PPM1L: variants seen among roughly 807,000 people sequenced by gnomAD.
The protein encoded by PPM1L is protein phosphatase 1L.
In PPM1L, 13 loss-of-function variants were observed where a neutral mutation model predicts 31.4. That is an observed-to-expected ratio of 0.41 (90% CI 0.27 to 0.66). The LOEUF (loss-of-function observed/expected upper bound fraction) is 0.66. Ranked by LOEUF, PPM1L falls within the 30% of genes least tolerant of loss-of-function variation. The pLI is 0.29. For synonymous variants in PPM1L, 184 were observed against 175.4 expected (o/e 1.05, Z -0.39); for missense variants, 326 against 453.7 (o/e 0.72, Z 2.56).
chr3:160,957,628 A>T (rs1167218713), intron 1 of PPM1L, among the ~76,000 whole-genome samples: 1 of 138,880 alleles, frequency 7.2e-6, no homozygotes, highest in Admixed American at 7.8e-5. Context: ...CCCAGGCTGG[A>T]GTGCAGTGGT....
chr3:160,936,100 TG>T (rs780906998), intron 1 of PPM1L, among the ~76,000 whole-genome samples: 1 of 152,140 alleles, frequency 6.6e-6, no homozygotes, highest in African/African-American at 2.4e-5. Context: ...AAGGGTTATG[TG>T]GGGGAACTTG....
intron 1 of PPM1L, among the ~76,000 whole-genome samples, chr3:160,892,239 T>C (rs555596177): frequency 6.6e-6 from 1 of 152,324 alleles, no homozygotes; most frequent in African/African-American, 2.4e-5. Context: ...TGGCATCTGC[T>C]TGGCTTCTGG....
At chr3:161,039,226 G>A (rs921581967) in intron 2 of PPM1L, among the ~76,000 whole-genome samples, 2 of 152,048 alleles carry the variant, frequency 1.3e-5, no homozygotes, top group African/African-American at 2.4e-5. Flanking sequence ...CTGTGGACTC[G>A]CCCTGAATTC....
intron 2 of PPM1L, among the ~76,000 whole-genome samples, chr3:160,962,515 A>T (rs913724668): frequency 4.0e-5 from 6 of 150,356 alleles, no homozygotes; most frequent in African/African-American, 1.5e-4. Flanking sequence ...ACTTGGAATT[A>T]TGAAAATCTT....
chr3:160,892,391 A>C lies in PPM1L; in HGVS notation c.400-69345A>C, dbSNP rs1461006211. On this transcript the variant is annotated intron_variant, in intron 1 of 3. Coordinates refer to ENST00000498165, the MANE Select transcript of PPM1L (RefSeq NM_139245.4). ...TCATGAGGTCTCACTCACTATGGCAAGGACAGAACTAAGACATGAGGAATC... is the reference window on the plus strand; with the variant it reads ...TCATGAGGTCTCACTCACTATGGCACGGACAGAACTAAGACATGAGGAATC... Among the ~76,000 whole-genome samples, 3 of 152,122 alleles carry C rather than the reference A, an allele frequency of 2.0e-5. No homozygotes were observed. In the East Asian group the frequency reaches 5.8e-4, roughly 29 times the overall value.
At chr3:160,936,132 C>T (rs1238853019) in intron 1 of PPM1L, among the ~76,000 whole-genome samples, 1 of 151,946 alleles carries the variant, frequency 6.6e-6, no homozygotes, top group Non-Finnish European at 1.5e-5. Context: ...TTTTTTTCCC[C>T]AGGCTGGAGT....
At chr3:161,055,194 TC>T (rs1280068142) in intron 2 of PPM1L, among the ~76,000 whole-genome samples, 1 of 152,152 alleles carries the variant, frequency 6.6e-6, no homozygotes, top group Admixed American at 6.5e-5. Context: ...CAAGGTATCA[TC>T]CCTGACAAGT....
At chr3:160,766,880 A>G (rs1249249048) in intron 1 of PPM1L, among the ~76,000 whole-genome samples, 1 of 152,010 alleles carries the variant, frequency 6.6e-6, no homozygotes, top group African/African-American at 2.4e-5. Flanking sequence ...GACTTAACCT[A>G]CTTTCTTCCA....
intron 1 of PPM1L, among the ~76,000 whole-genome samples, chr3:160,835,082 C>CTTCTTCTTCT (rs1403731631): frequency 3.5e-5 from 5 of 141,578 alleles, no homozygotes; most frequent in South Asian, 2.2e-4. Context: ...TCTTCTTCTT[C>CTTCTTCTTCT]TTCTTTCTTT....
chr3:160,887,975 GAA>G (rs1712981605), intron 1 of PPM1L, among the ~76,000 whole-genome samples: 1 of 152,072 alleles, frequency 6.6e-6, no homozygotes, highest in Non-Finnish European at 1.5e-5. Flanking sequence ...TTCCAGATAA[GAA>G]AATGCTGAGG....
rs1008249601 is a variant in PPM1L at position 161,073,995 on chromosome 3, A to C, written c.*4838A>C. 7 of 152,228 alleles carry C rather than the reference A, an allele frequency of 4.6e-5. No individual in the cohort carries two copies. The highest frequency in any genetic ancestry group is 1.7e-4 in the African/African-American group (7 of 41,452). 9.4% of individuals were successfully genotyped at this position (152,228 alleles called of 1,614,324 possible). A position where few individuals can be genotyped will look rare whatever the true frequency, so the allele number is the denominator to read the frequency against. On this transcript the variant is annotated 3_prime_UTR_variant, in exon 4 of 4. Transcript: ENST00000498165. ...GGGTTGAATCAAAATGAATATTTTT[A>C]TATTTCATTACTATATGATATTTAA...
chr3:160,946,149 C>G (rs182087720), intron 1 of PPM1L, among the ~76,000 whole-genome samples: 30 of 152,184 alleles, frequency 2.0e-4, no homozygotes, highest in Non-Finnish European at 3.4e-4. Flanking sequence ...TTGCATCTAA[C>G]TTTATCCCTA....
Position 161,077,253 on chromosome 3 carries a change from T to C in PPM1L, c.*8096T>C, listed in dbSNP as rs1720131402. On this transcript the variant is annotated 3_prime_UTR_variant, in exon 4 of 4. Coordinates refer to ENST00000498165, the MANE Select transcript of PPM1L (RefSeq NM_139245.4). ...GAGATTGGGAATTTCTTGCCAACACTCAAGCAAACTGCAGAAGATAATTAC... is the reference window on the plus strand; with the variant it reads ...GAGATTGGGAATTTCTTGCCAACACCCAAGCAAACTGCAGAAGATAATTAC... 6.6e-6 allele frequency: 1 copy of C among 152,170 alleles called. No individual in the cohort carries two copies. Among genetic ancestry groups the C allele is most frequent in the Non-Finnish European group, 1.5e-5 (1 of 68,036 alleles). The allele number at this position is 152,170 out of a possible 1,614,324, so 9.4% of individuals were successfully genotyped here.
intron 2 of PPM1L, among the ~76,000 whole-genome samples, chr3:160,999,927 A>G (rs1717429351): frequency 6.6e-6 from 1 of 152,238 alleles, no homozygotes; most frequent in African/African-American, 2.4e-5. Flanking sequence ...GGCGGTTATT[A>G]CGGCTGAAAA....
intron 1 of PPM1L, among the ~76,000 whole-genome samples, chr3:160,942,409 T>C (rs1353029765): frequency 2.0e-5 from 3 of 152,206 alleles, no homozygotes; most frequent in Admixed American, 6.5e-5. Context: ...TTTTAGGAAG[T>C]TGTTCATTCA....
At chr3:161,011,366 A>G (rs998322725) in intron 2 of PPM1L, among the ~76,000 whole-genome samples, 1 of 152,126 alleles carries the variant, frequency 6.6e-6, no homozygotes, top group African/African-American at 2.4e-5. Context: ...ATTCTGTTCC[A>G]TTGGTCTATA....
intron 2 of PPM1L, among the ~76,000 whole-genome samples, chr3:160,976,998 G>C (rs950967034): frequency 2.0e-5 from 3 of 151,904 alleles, no homozygotes; most frequent in Admixed American, 6.6e-5. Context: ...CCTGCTTTCT[G>C]TTGTGGGCAT....
chr3:160,758,173 G>A (rs548802093), intron 1 of PPM1L, among the ~76,000 whole-genome samples: 102 of 152,224 alleles, frequency 6.7e-4, no homozygotes, highest in African/African-American at 2.4e-3. Context: ...CTTGGGTAGT[G>A]TCGGGGTCCC....
chr3:160,780,507 A>G (rs1351236613), intron 1 of PPM1L, among the ~76,000 whole-genome samples: 2 of 152,218 alleles, frequency 1.3e-5, no homozygotes, highest in African/African-American at 4.8e-5. Context: ...CTGTGGAATT[A>G]TAAAAGGCTA....
Sources: gnomAD v4.1 joint callset for allele counts (sites outside exome capture counted in the v4.1 genomes callset) on GRCh38, gnomAD v4.1.1 for gene constraint, MANE v1.5 for transcripts, NCBI Gene and HGNC (gene_info 2026-07-23, HGNC 2026-07-21) for gene names.